Variants in FRMD4A observed in about 807,000 individuals in gnomAD.
The protein encoded by FRMD4A is FERM domain containing 4A, also known as FERM domain-containing protein 4A.
A neutral mutation model predicts 129.1 loss-of-function variants in FRMD4A; 29 were observed. That is an observed-to-expected ratio of 0.22 (90% CI 0.17 to 0.31). The LOEUF is 0.31. Ranked by LOEUF, FRMD4A falls within the 10% of genes least tolerant of loss-of-function variation. FRMD4A has a pLI of 1.00. For missense variants in FRMD4A, 1,272 were observed against 1,375.8 expected, an observed-to-expected ratio of 0.92 and a Z score of 1.19; for synonymous variants, 634 against 571.6, an observed-to-expected ratio of 1.11 and a Z score of -1.56.
chr10:14,325,403 T>C (rs1255332712), intron 2 of FRMD4A, among the ~76,000 whole-genome samples: 1 of 152,216 alleles, frequency 6.6e-6, no homozygotes, highest in African/African-American at 2.4e-5. Flanking sequence ...CAAACCAGTC[T>C]ACTCCCCGTC....
chr10:14,013,168 A>G (rs548505375), intron 2 of FRMD4A, among the ~76,000 whole-genome samples: 1 of 152,220 alleles, frequency 6.6e-6, no homozygotes, highest in East Asian at 1.9e-4. Context: ...GCGAAATACC[A>G]CTTACATGAA....
chr10:13,972,183 C>T (rs935847651), intron 2 of FRMD4A: 7 of 1,024,372 alleles, frequency 6.8e-6, no homozygotes, highest in Non-Finnish European at 8.2e-6. Flanking sequence ...AGACCTCAGA[C>T]CCAGAAGCAC....
In FRMD4A at chr10:14,183,726, TAAAAGC is replaced by T. The variant is rs531278011; in HGVS notation, c.45+146326_45+146331del. Among the ~76,000 whole-genome samples the T allele has an allele frequency of 1.3e-3, 203 of 152,314 alleles. 1 individual carries two copies. Among genetic ancestry groups the T allele is most frequent in the African/African-American group, 4.5e-3 (185 of 41,572 alleles). On this transcript the variant is annotated intron_variant, in intron 2 of 24. Transcript: ENST00000357447. ...AACCATGGTATCTAAATATGTTCAT[TAAAAGC>T]AAAACTACTGTCTTTTAAAAATGTT...
intron 4 of FRMD4A, among the ~76,000 whole-genome samples, chr10:13,804,714 CTT>C (rs35111872): frequency 1.4e-3 from 185 of 127,732 alleles, no homozygotes; most frequent in Middle Eastern, 7.8e-3. Flanking sequence ...CCAGCTAATT[CTT>C]TTTTTTTTTT....
chr10:13,970,409 A>C (rs575015459), intron 2 of FRMD4A, among the ~76,000 whole-genome samples: 4 of 152,162 alleles, frequency 2.6e-5, no homozygotes, highest in Admixed American at 1.3e-4. Flanking sequence ...CCCTCCCCTG[A>C]AAGTCCAGAC....
intron 3 of FRMD4A, among the ~76,000 whole-genome samples, chr10:13,820,898 G>T (rs1192197698): frequency 6.6e-6 from 1 of 152,252 alleles, no homozygotes; most frequent in South Asian, 2.1e-4. Context: ...GGGAGTGACT[G>T]TGAAACGTGG....
chr10:13,993,462 T>C (rs2095610751), intron 2 of FRMD4A, among the ~76,000 whole-genome samples: 1 of 152,206 alleles, frequency 6.6e-6, no homozygotes, highest in Admixed American at 6.5e-5. Context: ...GAACCTCTGT[T>C]TGGCTCTTGT....
At chr10:14,235,219 G>A (rs545026618) in intron 2 of FRMD4A, among the ~76,000 whole-genome samples, 17 of 148,270 alleles carry the variant, frequency 1.1e-4, no homozygotes, top group Admixed American at 1.0e-3. Flanking sequence ...GCGCGATCTC[G>A]GCTCACTGCA....
intron 2 of FRMD4A, among the ~76,000 whole-genome samples, chr10:14,105,613 T>C (rs1434311509): frequency 6.6e-6 from 1 of 152,216 alleles, no homozygotes; most frequent in Admixed American, 6.5e-5. Context: ...TTTCTTAATA[T>C]TCTAAAATGG....
At chr10:13,654,382 C>G in intron 23 of FRMD4A, 34 bp downstream of exon 23, 1 of 1,328,904 alleles carries the variant, frequency 7.5e-7, no homozygotes, top group Non-Finnish European at 1.1e-6. Context: ...CTCTTTCGAG[C>G]TGACACAGTG....
chr10:14,060,485 T>G (rs1432097012), intron 2 of FRMD4A, among the ~76,000 whole-genome samples: 3 of 152,210 alleles, frequency 2.0e-5, no homozygotes, highest in African/African-American at 7.2e-5. Flanking sequence ...ACAAGTGGAC[T>G]ACTTGGGAAG....
At chr10:14,148,491 C>T (rs188810737) in intron 2 of FRMD4A, among the ~76,000 whole-genome samples, 120 of 152,270 alleles carry the variant, frequency 7.9e-4, no homozygotes, top group African/African-American at 2.8e-3. Flanking sequence ...TGGCCGGGTG[C>T]GCTGGCTCAC....
chr10:13,886,669 C>T (rs954142918), intron 2 of FRMD4A, among the ~76,000 whole-genome samples: 8 of 152,188 alleles, frequency 5.3e-5, no homozygotes, highest in Non-Finnish European at 7.3e-5. Flanking sequence ...TAACCTCCAA[C>T]TCCTGAACTC....
intron 3 of FRMD4A, among the ~76,000 whole-genome samples, chr10:13,837,650 G>A (rs947170565): frequency 2.0e-5 from 3 of 152,080 alleles, no homozygotes; most frequent in African/African-American, 7.3e-5. Context: ...TCTCTTTGTG[G>A]GCACCAGTAT....
At chr10:14,141,899 C>T (rs76134634) in intron 2 of FRMD4A, among the ~76,000 whole-genome samples, 1,808 of 152,190 alleles carry the variant, frequency 0.012, 30 homozygotes, top group African/African-American at 0.041. Context: ...TCCTCTGATG[C>T]CTGGCGTAGT....
intron 8 of FRMD4A, among the ~76,000 whole-genome samples, chr10:13,759,755 G>A (rs2091995735): frequency 6.6e-6 from 1 of 152,066 alleles, no homozygotes; most frequent in Non-Finnish European, 1.5e-5. Context: ...TTCGGTAAAT[G>A]GTTACTGGCC....
intron 2 of FRMD4A, among the ~76,000 whole-genome samples, chr10:14,267,112 C>A (rs909768422): frequency 6.6e-6 from 1 of 152,162 alleles, no homozygotes; most frequent in Non-Finnish European, 1.5e-5. Flanking sequence ...ATATAATGGG[C>A]CTGAATTCTA....
At chr10:14,310,493 C>T (rs1007044877) in intron 2 of FRMD4A, among the ~76,000 whole-genome samples, 1 of 152,242 alleles carries the variant, frequency 6.6e-6, no homozygotes. Flanking sequence ...AAAGCTTGCA[C>T]GGGTGAATGC....
chr10:13,990,656 T>C (rs1020873169), intron 2 of FRMD4A, among the ~76,000 whole-genome samples: 8 of 152,252 alleles, frequency 5.3e-5, no homozygotes, highest in Non-Finnish European at 8.8e-5. Context: ...CTTCCCGGAC[T>C]CTGAGCAGAA....
Sources: allele counts gnomAD v4.1 joint callset (sites outside exome capture counted in the v4.1 genomes callset), GRCh38; gene constraint gnomAD v4.1.1; transcripts MANE v1.5; gene names NCBI Gene and HGNC (gene_info 2026-07-23, HGNC 2026-07-21).